Variants in APELA observed in about 807,000 individuals in gnomAD.
APELA encodes protein Elabela.
downstream of APELA, among the ~76,000 whole-genome samples, chr4:164,897,805 TC>T (rs1384849955): frequency 6.6e-6 from 1 of 152,220 alleles, no homozygotes; most frequent in Non-Finnish European, 1.5e-5. Context: ...CATACAGCTA[TC>T]TTTTATTCAC....
chr4:164,881,230 C>A (rs1560856930), intron 2 of APELA, among the ~76,000 whole-genome samples: 1 of 152,154 alleles, frequency 6.6e-6, no homozygotes, highest in Non-Finnish European at 1.5e-5. Context: ...AGGCAAAACA[C>A]CCCTTTCACT....
Position 164,895,972 on chromosome 4 carries a change from T to C in APELA, c.*558T>C, listed in dbSNP as rs2111072636. On this transcript the variant is annotated 3_prime_UTR_variant, in exon 3 of 3. Coordinates refer to ENST00000507152, the MANE Select transcript of APELA (RefSeq NM_001297550.2). ...AGAAAAGCTATTAATTGCTACCAAT[T>C]TTATGATAAGCTTTAAGGTTTATGA... 6.6e-6 allele frequency: 1 copy of C among 152,364 alleles called. No individual in the cohort carries two copies. The highest frequency in any genetic ancestry group is 6.5e-5 in the Admixed American group (1 of 15,304). The allele number at this position is 152,364 out of a possible 1,614,324, so 9.4% of individuals were successfully genotyped here.
At chr4:164,885,476 C>T (rs895949614) in intron 2 of APELA, among the ~76,000 whole-genome samples, 1 of 151,636 alleles carries the variant, frequency 6.6e-6, no homozygotes, top group African/African-American at 2.4e-5. Flanking sequence ...CGTGGTGGCT[C>T]ACACCTATAA....
At position 164,888,623 on chromosome 4, in the gene APELA, A is replaced by G. The variant is rs562835636; in HGVS notation, c.*2-6793A>G. ...GGCCATTGTACACTTGTACATATTC[A>G]GTCTCCCAGTTCCCAATTTGTCACC... On this transcript the variant is annotated intron_variant, in intron 2 of 2. Coordinates refer to ENST00000507152, the MANE Select transcript of APELA (RefSeq NM_001297550.2). Among the ~76,000 whole-genome samples, 9 of 152,290 alleles carry G rather than the reference A, an allele frequency of 5.9e-5. No homozygotes were observed. In the South Asian group the frequency reaches 1.7e-3, roughly 28 times the overall value.
chr4:164,878,664 T>C (rs1351331833), intron 1 of APELA, among the ~76,000 whole-genome samples: 4 of 152,200 alleles, frequency 2.6e-5, no homozygotes, highest in Non-Finnish European at 5.9e-5. Context: ...AGGATATTAC[T>C]ATTAAGATGT....
At chr4:164,883,430 A>T (rs1423556849) in intron 2 of APELA, among the ~76,000 whole-genome samples, 6 of 152,020 alleles carry the variant, frequency 3.9e-5, no homozygotes, top group Admixed American at 3.9e-4. Flanking sequence ...CTCGCCCTCA[A>T]ACTACAGACA....
At chr4:164,898,429 G>A (rs888702769), downstream of APELA, among the ~76,000 whole-genome samples, 2 of 151,124 alleles carry the variant, frequency 1.3e-5, no homozygotes, top group Non-Finnish European at 2.9e-5. Flanking sequence ...TTGAACCTGG[G>A]AGGAAGAGGT....
At chr4:164,895,115 C>T (rs779140309) in intron 2 of APELA, among the ~76,000 whole-genome samples, 5 of 152,180 alleles carry the variant, frequency 3.3e-5, no homozygotes, top group Non-Finnish European at 5.9e-5. Context: ...ATGAGAATCA[C>T]TTGAACTCAG....
rs1730968888 is a variant in APELA, at chr4:164,896,024, A to G, written c.*610A>G. On this transcript the variant is annotated 3_prime_UTR_variant, in exon 3 of 3. Coordinates refer to ENST00000507152, the MANE Select transcript of APELA (RefSeq NM_001297550.2). ...AGTATGTTTTTTTATTTAATGAGTAATGTCCATTTGAAGTTGAAAGAAAAC... is the reference window on the plus strand; with the variant it reads ...AGTATGTTTTTTTATTTAATGAGTAGTGTCCATTTGAAGTTGAAAGAAAAC... The G allele has an allele frequency of 6.6e-6, 1 of 152,206 alleles. No individual in the cohort carries two copies. The highest frequency in any genetic ancestry group is 2.4e-5 in the African/African-American group (1 of 41,442). 9.4% of individuals were successfully genotyped at this position (152,206 alleles called of 1,614,324 possible). A position where few individuals can be genotyped will look rare whatever the true frequency, so the allele number is the denominator to read the frequency against.
chr4:164,879,652 G>A (rs747028770), intron 2 of APELA, among the ~76,000 whole-genome samples: 26 of 152,050 alleles, frequency 1.7e-4, no homozygotes, highest in African/African-American at 1.4e-4. Flanking sequence ...CCCATTTTGC[G>A]CAGGCTGGTC....
intron 2 of APELA, among the ~76,000 whole-genome samples, chr4:164,881,799 C>G (rs1003957307): frequency 6.6e-6 from 1 of 150,974 alleles, no homozygotes; most frequent in Admixed American, 6.6e-5. Flanking sequence ...CTTTGGGAGG[C>G]AGAGGTAGGT....
At chr4:164,879,489 G>A (rs987800168) in intron 2 of APELA, among the ~76,000 whole-genome samples, 1 of 152,064 alleles carries the variant, frequency 6.6e-6, no homozygotes, top group African/African-American at 2.4e-5. Flanking sequence ...CTGTCACCCA[G>A]GCTGGAGTGT....
At chr4:164,887,820 C>G (rs1440624572) in intron 2 of APELA, among the ~76,000 whole-genome samples, 6 of 152,258 alleles carry the variant, frequency 3.9e-5, no homozygotes, top group Middle Eastern at 6.8e-3. Context: ...CCATGTTGGC[C>G]AGGCTGGTCT....
At chr4:164,898,079 C>T (rs949296020), downstream of APELA, among the ~76,000 whole-genome samples, 3 of 152,016 alleles carry the variant, frequency 2.0e-5, no homozygotes, top group Admixed American at 2.0e-4. Flanking sequence ...TTATTAGAGA[C>T]GGGGGTTCAC....
chr4:164,898,502 CAAA>C (rs371909619), downstream of APELA, among the ~76,000 whole-genome samples: 7,329 of 89,516 alleles, frequency 0.082, 529 homozygotes, highest in African/African-American at 0.21. Flanking sequence ...AACTCTGCCT[CAAA>C]AAAAAAAAAA....
At chr4:164,893,629 GCT>G (rs1730920096) in intron 2 of APELA, among the ~76,000 whole-genome samples, 1 of 152,000 alleles carries the variant, frequency 6.6e-6, no homozygotes, top group East Asian at 1.9e-4. Context: ...ATTCGCTTCA[GCT>G]CTCTTATACT....
At chr4:164,883,059 C>T (rs149984714) in intron 2 of APELA, among the ~76,000 whole-genome samples, 29 of 152,098 alleles carry the variant, frequency 1.9e-4, no homozygotes, top group South Asian at 6.2e-4. Flanking sequence ...CTTATTCTTA[C>T]CCCCTTGCAG....
At chr4:164,879,326 A>C (rs1343758587) in intron 2 of APELA, 1 of 203,438 alleles carries the variant, frequency 4.9e-6, no homozygotes, top group Non-Finnish European at 9.8e-6. Flanking sequence ...CCCTATTAAG[A>C]CCAGTGTGTA....
At chr4:164,881,111 A>T (rs1184449011) in intron 2 of APELA, among the ~76,000 whole-genome samples, 1 of 152,246 alleles carries the variant, frequency 6.6e-6, no homozygotes, top group Non-Finnish European at 1.5e-5. Flanking sequence ...TTCAGATCTG[A>T]TAACATAATT....
Sources: allele counts gnomAD v4.1 joint callset (sites outside exome capture counted in the v4.1 genomes callset), GRCh38; gene constraint gnomAD v4.1.1; transcripts MANE v1.5; gene names NCBI Gene and HGNC (gene_info 2026-07-23, HGNC 2026-07-21).